The following AKT2 variants were observed in gnomAD, a reference collection of about 807,000 sequenced individuals.
AKT2 encodes the protein AKT serine/threonine kinase 2.
In AKT2, 16 loss-of-function variants were observed where a neutral mutation model predicts 58.6. The observed-to-expected ratio is 0.27, with a 90% CI of 0.18 to 0.41. The LOEUF (loss-of-function observed/expected upper bound fraction) is 0.41. Among genes scored for constraint, AKT2 ranks in the 10% least tolerant of loss-of-function variants. The pLI, the probability that AKT2 is intolerant of heterozygous loss-of-function variation, is 1.00. For missense variants in AKT2, 438 were observed against 661.0 expected (o/e 0.66, Z 3.70); for synonymous variants, 253 against 254.0 (o/e 1.00, Z 0.04).
intron 1 of AKT2, among the ~76,000 whole-genome samples, chr19:40,283,582 C>G (rs2039043150): frequency 6.6e-6 from 1 of 152,212 alleles, no homozygotes; most frequent in Admixed American, 6.5e-5. Context: ...GGGACTGCAG[C>G]CAGTCCTCTG....
At chr19:40,251,950 G>C (rs1975188015) in intron 4 of AKT2, among the ~76,000 whole-genome samples, 1 of 152,184 alleles carries the variant, frequency 6.6e-6, no homozygotes, top group Non-Finnish European at 1.5e-5. Flanking sequence ...TGGGGCGCGT[G>C]GATGTCCATT....
intron 2 of AKT2, among the ~76,000 whole-genome samples, chr19:40,261,676 T>C (rs980247683): frequency 2.6e-5 from 4 of 152,122 alleles, no homozygotes; most frequent in African/African-American, 9.7e-5. Context: ...TAAGTTTCTG[T>C]TCATTATAAA....
chr19:40,231,811 A>G lies in AKT2; in HGVS notation c.*2061T>C. 4.3e-6 allele frequency: 1 copy of G among 233,838 alleles called. No homozygotes were observed. The highest frequency in any genetic ancestry group is 8.4e-6 in the Non-Finnish European group (1 of 118,516). The allele number at this position is 233,838 out of a possible 1,614,324, so 14.5% of individuals were successfully genotyped here. A position where few individuals can be genotyped will look rare whatever the true frequency, so the allele number is the denominator to read the frequency against. ...ACAGGGTTCTAACCAAACGCTCAGG[A>G]GCTCCCAGGTGACAGCAACCACGCC... On this transcript the variant is annotated 3_prime_UTR_variant, in exon 14 of 14. Coordinates refer to ENST00000392038, the MANE Select transcript of AKT2 (RefSeq NM_001626.6).
chr19:40,259,976 A>C (rs937109925), intron 2 of AKT2, among the ~76,000 whole-genome samples: 5 of 152,032 alleles, frequency 3.3e-5, no homozygotes, highest in African/African-American at 1.2e-4. Flanking sequence ...AACATGATCA[A>C]ACCCCATCTC....
rs1599946580 is a variant in AKT2 at position 40,234,408 on chromosome 19, C to T, written c.1367-457G>A. 2 of 230,144 alleles carry T rather than the reference C, an allele frequency of 8.7e-6. No homozygotes were observed. The highest frequency in any genetic ancestry group is 1.9e-4 in the East Asian group (2 of 10,676). The allele number at this position is 230,144 out of a possible 1,614,324, so 14.3% of individuals were successfully genotyped here. On this transcript the variant is annotated intron_variant, in intron 13 of 13. Transcript: ENST00000392038. The surrounding 1 kb of genome is among the most constrained non-coding windows in gnomAD (Gnocchi z 4.7). ...GCAGTCCCCACCCCTCCCAGTGGCC[C>T]CCAGACCCTTGCACTCCAGCCCCAT...
intron 4 of AKT2, 131 bp downstream of exon 4, chr19:40,255,027 A>AC (rs888190436): frequency 1.2e-4 from 86 of 714,822 alleles, no homozygotes; most frequent in African/African-American, 9.1e-4. Context: ...AGCTGGAGAG[A>AC]CCCCCCAACC....
At position 40,279,797 on chromosome 19, in the gene AKT2, C is replaced by T. The variant is rs561599310; in HGVS notation, c.-85+5384G>A. On this transcript the variant is annotated intron_variant, in intron 1 of 13. Transcript: ENST00000392038. ...GAAGCCCAGATTCATAGCCTGTCCC[C>T]AACACTTCCTGGTTGGGGGACTCAG... Among the ~76,000 whole-genome samples, 3 of 152,284 alleles carry T rather than the reference C, an allele frequency of 2.0e-5. No individual in the cohort carries two copies. In the East Asian group the frequency reaches 5.8e-4, roughly 29 times the overall value.
intron 1 of AKT2, chr19:40,265,572 C>T (rs575074202): frequency 5.1e-5 from 29 of 568,806 alleles, no homozygotes; most frequent in Non-Finnish European, 8.7e-5. Context: ...AGCTCCCCGG[C>T]CTAAGCGCAG....
rs56202522 is a variant in AKT2, at chr19:40,258,245, G to GAA, written c.47-1193_47-1192dup. 6.1e-3 allele frequency among the ~76,000 whole-genome samples: 249 copies of GAA among 40,968 alleles called. 1 individual carries two copies. The highest frequency in any genetic ancestry group is 0.01 in the African/African-American group (119 of 11,420). 26.9% of individuals were successfully genotyped at this position (40,968 alleles called of 152,430 possible). On this transcript the variant is annotated intron_variant, in intron 2 of 13. Transcript: ENST00000392038. ...GGCAACAAGAGCGAAACTCCGTCTCGAAAAAAAAAAAAAAAAAACAAAAAA... is the reference window on the plus strand; with the variant it reads ...GGCAACAAGAGCGAAACTCCGTCTCGAAAAAAAAAAAAAAAAAAAACAAAAAA...
rs1028818887 is a variant in AKT2 at position 40,242,574 on chromosome 19, T to G, written c.401A>C (p.Glu134Ala). The change falls in exon 5 of 14, where the codon GAG becomes GCG. Residue 134 changes from glutamate (E) to alanine (A), a missense_variant. Glu to Ala is a moderately radical substitution (Grantham distance 107, BLOSUM62 -1). This residue lies in a region of AKT2 where 244 missense variants were observed against 347.1 expected (regional missense o/e 0.70). Transcript: ENST00000392038. The surrounding 1 kb of genome is among the most constrained non-coding windows in gnomAD (Gnocchi z 4.3). The stretch of plus-strand genomic sequence containing the variant: ...CTTGCTGACCGCCACTTCCATCTCC[T>G]CAGTCGTGGAGGAGTCACTGGGGGA... ...CGSPSDSSTTEEMEVAVSKAR... is the reference protein window; with the variant it reads ...CGSPSDSSTTAEMEVAVSKAR... 31 of 1,613,778 alleles carry G rather than the reference T, an allele frequency of 1.9e-5. No individual in the cohort carries two copies. The African/African-American group carries it at 3.9e-4, about 20-fold the overall frequency.
At chr19:40,239,890 CTT>C in intron 7 of AKT2, 153 bp downstream of exon 7, 1 of 901,066 alleles carries the variant, frequency 1.1e-6, no homozygotes, top group Non-Finnish European at 1.8e-6. Context: ...CACCACATGT[CTT>C]GGTTCGGATG....
In AKT2 at chr19:40,265,349, A is replaced by G; in HGVS notation, c.-82T>C. On this transcript the variant is annotated splice_region_variant and 5_prime_UTR_variant, in exon 2 of 14. Transcript: ENST00000392038. ...GCAGGAGGCACCGTGGACAGGGCAC[A>G]GTCTGCAAGACAAGAGAGGAGCTGG... is the stretch of plus-strand genomic sequence containing the variant. The G allele has an allele frequency of 6.4e-7, 1 of 1,570,812 alleles. No individual in the cohort carries two copies.
intron 1 of AKT2, among the ~76,000 whole-genome samples, chr19:40,280,036 C>T (rs1302518429): frequency 6.6e-6 from 1 of 152,192 alleles, no homozygotes; most frequent in Non-Finnish European, 1.5e-5. Context: ...CAACCTGGCC[C>T]TCATTTATTT....
rs1599951561 is a variant in AKT2 at position 40,235,805 on chromosome 19, C to A, written c.1175+85G>T. The A allele has an allele frequency of 7.2e-7, 1 of 1,396,522 alleles. No individual in the cohort carries two copies. Among genetic ancestry groups the A allele is most frequent in the Non-Finnish European group, 9.7e-7 (1 of 1,033,090 alleles). The allele number at this position is 1,396,522 out of a possible 1,614,324, so 86.5% of individuals were successfully genotyped here. Reference sequence around the variant, plus strand: ...CACACTGCGACCCTACAAGCGAGCACCCTTGTGGACGCTGCCCCCTCCAGG... The same window carrying A: ...CACACTGCGACCCTACAAGCGAGCAACCTTGTGGACGCTGCCCCCTCCAGG... On this transcript the variant is annotated intron_variant, in intron 11 of 13. Coordinates refer to ENST00000392038, the MANE Select transcript of AKT2 (RefSeq NM_001626.6). This position sits in a 1 kb window ranked among gnomAD's most constrained non-coding sequence, Gnocchi z 6.3.
intron 4 of AKT2, chr19:40,244,425 A>C (rs1297042634): frequency 6.6e-6 from 1 of 152,134 alleles, no homozygotes; most frequent in Non-Finnish European, 1.5e-5. Context: ...CTAAAAAAAA[A>C]ACAAAATAAT....
At chr19:40,268,069 C>T (rs913159504) in intron 1 of AKT2, among the ~76,000 whole-genome samples, 2 of 152,142 alleles carry the variant, frequency 1.3e-5, no homozygotes, top group African/African-American at 4.8e-5. Context: ...CAAGGGCCTT[C>T]TGGGCTATGG....
At position 40,238,023 on chromosome 19, in the gene AKT2, A is replaced by G; in HGVS notation, c.777T>C (p.Ile259=). 1.9e-6 allele frequency: 3 copies of G among 1,612,834 alleles called. No individual in the cohort carries two copies. The South Asian group carries it at 3.3e-5, about 18-fold the overall frequency. ...AGTGCAAGTACTCAAGAGCCGAGAC[A>G]ATCTCTGCACCATAAAACCGGGCCC... ...EERARFYGAE[I]VSALEYLHSR... Residue 259 remains isoleucine, a synonymous_variant, in exon 9 of 14, where the codon ATT becomes ATC. Coordinates refer to ENST00000392038, the MANE Select transcript of AKT2 (RefSeq NM_001626.6). This position sits in a 1 kb window ranked among gnomAD's most constrained non-coding sequence, Gnocchi z 5.1.
chr19:40,235,860 G>C lies in AKT2; in HGVS notation c.1175+30C>G, dbSNP rs547100146. The C allele has an allele frequency of 3.1e-6, 5 of 1,588,728 alleles. No homozygotes were observed. The East Asian group carries it at 1.1e-4, about 36-fold the overall frequency. ...AGGGACAGTGGCAGCAGCTGGCGCT[G>C]GGCTGGGTGGGGCCGACGCCAGCCC... On this transcript the variant is annotated intron_variant, in intron 11 of 13. Coordinates refer to ENST00000392038, the MANE Select transcript of AKT2 (RefSeq NM_001626.6). This position sits in a 1 kb window ranked among gnomAD's most constrained non-coding sequence, Gnocchi z 6.3.
At chr19:40,255,444 T>TGC in intron 3 of AKT2, 175 bp from the exon 4 acceptor site, 1 of 573,986 alleles carries the variant, frequency 1.7e-6, no homozygotes. Context: ...GTCTAGTGTG[T>TGC]GTGTGTGTGG....
Sources: gnomAD v4.1 joint callset for allele counts (sites outside exome capture counted in the v4.1 genomes callset) on GRCh38, gnomAD v4.1.1 for gene constraint, gnomAD v4.1.1 regional missense constraint, Gnocchi (gnomAD v3.1) non-coding constraint, MANE v1.5 for transcripts, NCBI Gene and HGNC (gene_info 2026-07-23, HGNC 2026-07-21) for gene names.